Variants in NME4 observed in about 807,000 individuals in gnomAD.
NME4 encodes the protein nucleoside diphosphate kinase D, mitochondrial.
A neutral mutation model predicts 16.4 loss-of-function variants in NME4; 21 were observed. The ratio of observed to expected loss-of-function variants is 1.28; its 90% CI spans 0.91 to 1.84. The LOEUF (loss-of-function observed/expected upper bound fraction) is 1.84. Ranked by LOEUF, NME4 falls within the 40% of genes most tolerant of loss-of-function variation. NME4 has a pLI of 0.00. For synonymous variants in NME4, 132 were observed against 107.5 expected, an observed-to-expected ratio of 1.23 and a Z score of -1.41; for missense variants, 316 against 261.3, an observed-to-expected ratio of 1.21 and a Z score of -1.44.
At chr16:397,367 G>T in intron 1 of NME4, 54 bp downstream of exon 1, 1 of 703,652 alleles carries the variant, frequency 1.4e-6, no homozygotes, top group African/African-American at 2.0e-5. Context: ...AGGGGCGCGC[G>T]CCGCTCGGCC....
chr16:399,204 C>T (rs552518262), intron 2 of NME4, 81 bp downstream of exon 2: 74 of 1,562,678 alleles, frequency 4.7e-5, no homozygotes, highest in African/African-American at 1.1e-4. Flanking sequence ...TCCCAGCCAG[C>T]GCCGGGGCAG....
intron 1 of NME4, chr16:397,949 G>A (rs2054582997): frequency 6.5e-7 from 1 of 1,547,576 alleles, no homozygotes; most frequent in East Asian, 2.4e-5. Context: ...CAGAGCCCCA[G>A]GCTACACAAG....
At chr16:398,365 C>T (rs775426685) in intron 1 of NME4, 45 of 1,274,438 alleles carry the variant, frequency 3.5e-5, no homozygotes, top group Admixed American at 7.2e-5. Flanking sequence ...CCTTTTTGTC[C>T]GTGTTTCCAG....
rs557940597 is a variant in NME4 at position 400,049 on chromosome 16, G to C, written c.441-170G>C. The stretch of plus-strand genomic sequence containing the variant: ...GGGCGGGTCCACGAGGCTGTAAGAG[G>C]CCGAGGCCAGGCTGGAACCCGGTTT... On this transcript the variant is annotated intron_variant, in intron 4 of 4. Coordinates refer to ENST00000219479, the MANE Select transcript of NME4 (RefSeq NM_005009.3). 105 of 1,036,954 alleles carry C rather than the reference G, an allele frequency of 1.0e-4. 2 individuals carry two copies. The highest frequency in any genetic ancestry group is 1.5e-4 in the Non-Finnish European group (103 of 679,068). 64.2% of individuals were successfully genotyped at this position (1,036,954 alleles called of 1,614,324 possible).
chr16:398,456 C>T (rs2054594111), intron 1 of NME4: 12 of 1,151,798 alleles, frequency 1.0e-5, no homozygotes, highest in Middle Eastern at 3.9e-4. Flanking sequence ...GCTCTGGGTT[C>T]TTCCTCATGT....
chr16:398,620 C>G (rs2054597312), intron 1 of NME4: 1 of 398,326 alleles, frequency 2.5e-6, no homozygotes, highest in Non-Finnish European at 4.6e-6. Flanking sequence ...GCTGGGCTGT[C>G]CCTCCCTGGA....
chr16:398,881 A>T, intron 1 of NME4, 109 bp from the exon 2 acceptor site: 1 of 1,463,974 alleles, frequency 6.8e-7, no homozygotes, highest in Non-Finnish European at 9.3e-7. Context: ...CCCTGCATAG[A>T]GGCAGACACC....
chr16:397,397 GC>G (rs2054564735), intron 1 of NME4, 84 bp downstream of exon 1: 3 of 501,006 alleles, frequency 6.0e-6, no homozygotes, highest in African/African-American at 4.3e-5. Flanking sequence ...GCACGTGCGG[GC>G]TGGGGTCCGA....
chr16:400,135 G>A (rs549041821), intron 4 of NME4, 84 bp from the exon 5 acceptor site: 36 of 1,568,278 alleles, frequency 2.3e-5, no homozygotes, highest in East Asian at 2.2e-4. Flanking sequence ...CTAGACAGAG[G>A]GCAACGGGAG....
In NME4 at chr16:399,702, G is replaced by A; in HGVS notation, c.403G>A (p.Gly135Arg). Residue 135 changes from glycine (G) to arginine (R), a missense_variant, in exon 4 of 5, where the codon GGA becomes AGA. Physicochemically the swap from Gly to Arg is moderately radical, Grantham distance 125. Coordinates refer to ENST00000219479, the MANE Select transcript of NME4 (RefSeq NM_005009.3). Reference sequence around the variant, plus strand: ...CACCGACTCGGCTGAGGCTGCCCCAGGAACCATAAGGGGTGACTTCAGCGT... The same window carrying A: ...CACCGACTCGGCTGAGGCTGCCCCAAGAACCATAAGGGGTGACTTCAGCGT... ...GHTDSAEAAP[G>R]TIRGDFSVHI... The A allele has an allele frequency of 6.2e-7, 1 of 1,613,056 alleles. No homozygotes were observed. Among genetic ancestry groups the A allele is most frequent in the Non-Finnish European group, 8.5e-7 (1 of 1,179,946 alleles).
chr16:397,946 C>G, intron 1 of NME4: 1 of 1,548,706 alleles, frequency 6.5e-7, no homozygotes, highest in South Asian at 1.2e-5. Flanking sequence ...CAGCAGAGCC[C>G]CAGGCTACAC....
intron 1 of NME4, among the ~76,000 whole-genome samples, chr16:397,561 A>T (rs77371232): frequency 0.53 from 52,937 of 100,812 alleles, 15,463 homozygotes; most frequent in African/African-American, 0.81. Context: ...GCGAGTTGGC[A>T]GCCTGGGCGG....
rs774479865 is a variant in NME4, at chr16:400,210, C to G, written c.441-9C>G. 1 of 1,610,406 alleles carries G rather than the reference C, an allele frequency of 6.2e-7. No homozygotes were observed. The highest frequency in any genetic ancestry group is 1.7e-5 in the Admixed American group (1 of 59,762). On this transcript the variant is annotated splice_polypyrimidine_tract_variant and intron_variant, in intron 4 of 4. Transcript: ENST00000219479. ...GCCTGAGCCTCACATTGCTCCTGTCCTGGCACAGGAATGTCATCCACGCCA... is the reference window on the plus strand; with the variant it reads ...GCCTGAGCCTCACATTGCTCCTGTCGTGGCACAGGAATGTCATCCACGCCA...
rs536603552 is a variant in NME4, at chr16:398,134, T to C, written c.91+821T>C. ...GCTCCTCTGGAAACCAGGGACCCGATGCCGGAGGGTAGCTTGGCTCTGGAG... is the reference window on the plus strand; with the variant it reads ...GCTCCTCTGGAAACCAGGGACCCGACGCCGGAGGGTAGCTTGGCTCTGGAG... On this transcript the variant is annotated intron_variant, in intron 1 of 4. Coordinates refer to ENST00000219479, the MANE Select transcript of NME4 (RefSeq NM_005009.3). The C allele has an allele frequency of 2.6e-6, 4 of 1,531,654 alleles. No individual in the cohort carries two copies. In the South Asian group the frequency reaches 3.6e-5, roughly 14 times the overall value. 94.9% of individuals were successfully genotyped at this position (1,531,654 alleles called of 1,614,324 possible).
chr16:397,039 C>A (rs1204159378), upstream of NME4: 1 of 153,470 alleles, frequency 6.5e-6, no homozygotes, highest in Non-Finnish European at 1.4e-5. Flanking sequence ...TTTGTTTTTT[C>A]TTCTGATTTT....
intron 1 of NME4, chr16:398,622 C>T: frequency 2.5e-6 from 1 of 396,960 alleles, no homozygotes; most frequent in East Asian, 5.9e-5. Context: ...TGGGCTGTCC[C>T]TCCCTGGACC....
Position 398,937 on chromosome 16 carries a change from T to G in NME4, c.92-53T>G, listed in dbSNP as rs570887273. 32 of 1,601,604 alleles carry G rather than the reference T, an allele frequency of 2.0e-5. No individual in the cohort carries two copies. The East Asian group carries it at 5.6e-4, about 28-fold the overall frequency. ...GGCTCTGGCTGGGAAACCCGGGTCGTGGGGACGTGAAAGGGTGAGGTGGCA... is the reference window on the plus strand; with the variant it reads ...GGCTCTGGCTGGGAAACCCGGGTCGGGGGGACGTGAAAGGGTGAGGTGGCA... On this transcript the variant is annotated intron_variant, in intron 1 of 4. Coordinates refer to ENST00000219479, the MANE Select transcript of NME4 (RefSeq NM_005009.3).
At chr16:399,220 G>C in intron 2 of NME4, 97 bp downstream of exon 2, 1 of 1,539,680 alleles carries the variant, frequency 6.5e-7, no homozygotes, top group African/African-American at 1.4e-5. Context: ...GGCAGGGCCT[G>C]GCTTTGGCAG....
chr16:398,378 C>G, intron 1 of NME4: 1 of 1,259,840 alleles, frequency 7.9e-7, no homozygotes, highest in Non-Finnish European at 1.0e-6. Flanking sequence ...GTTTCCAGGG[C>G]TCACCTGGTG....
Sources: gnomAD v4.1 joint callset for allele counts (sites outside exome capture counted in the v4.1 genomes callset) on GRCh38, gnomAD v4.1.1 for gene constraint, MANE v1.5 for transcripts, NCBI Gene and HGNC (gene_info 2026-07-23, HGNC 2026-07-21) for gene names.